SLC38A5: variants seen among roughly 807,000 people sequenced by gnomAD.
The protein encoded by SLC38A5 is sodium-coupled neutral amino acid transporter 5.
A neutral mutation model predicts 34.6 loss-of-function variants in SLC38A5; 9 were observed. The ratio of observed to expected loss-of-function variants is 0.26; its 90% CI spans 0.16 to 0.45. SLC38A5 has a LOEUF of 0.45. SLC38A5 is among the 20% of genes least tolerant of loss of function. The pLI is 1.00. For synonymous variants in SLC38A5, 157 were observed against 155.6 expected (o/e 1.01, Z -0.07); for missense variants, 253 against 394.7 (o/e 0.64, Z 3.04).
Position 48,467,752 on chromosome X carries a change from A to G in SLC38A5, c.87T>C (p.Ser29=). ...GCTTGCTCCCAGGAGCAGGACCACG[A>G]CTGGGCAGGAAGCCCTCACGTTCTT... ...YRQEREGFLP[S]RGPAPGSKPV... The change falls in exon 4 of 17, where the codon AGT becomes AGC. Residue 29 remains serine (S), a synonymous_variant. Transcript: ENST00000620913. 1 of 1,208,547 alleles carries G rather than the reference A, an allele frequency of 8.3e-7. No individual in the cohort carries two copies. The highest frequency in any genetic ancestry group is 1.1e-6 in the Non-Finnish European group (1 of 894,108).
At chrX:48,463,851 G>GAA (rs2061453767) in intron 8 of SLC38A5, among the ~76,000 whole-genome samples, 1 of 66,154 alleles carries the variant, frequency 1.5e-5, no homozygotes, top group Admixed American at 1.9e-4. Flanking sequence ...GAAAGAAAGA[G>GAA]AGAGAAAGAA....
At chrX:48,466,767 G>C in intron 6 of SLC38A5, 32 bp downstream of exon 6, 1 of 1,169,498 alleles carries the variant, frequency 8.6e-7, no homozygotes, top group Non-Finnish European at 1.1e-6. Context: ...AAGGGGTGGA[G>C]TGGGGACTGG....
In SLC38A5 at chrX:48,459,421, A is replaced by G. The variant is rs1195901136; in HGVS notation, c.1317+115T>C. 4.5e-6 allele frequency: 3 copies of G among 672,908 alleles called. No homozygotes were observed. In the African/African-American group the frequency reaches 6.8e-5, roughly 15 times the overall value. The allele number at this position is 672,908 out of a possible 1,213,427, so 55.5% of individuals were successfully genotyped here. Reference sequence around the variant, plus strand: ...CTTCATTCTTCCAGACCATTCTTTCAGATGCTCTCCCAGCCCCCTCCTATG... The same window carrying G: ...CTTCATTCTTCCAGACCATTCTTTCGGATGCTCTCCCAGCCCCCTCCTATG... On this transcript the variant is annotated intron_variant, in intron 16 of 16. Transcript: ENST00000620913.
rs368812725 is a variant in SLC38A5 at position 48,460,676 on chromosome X, G to A, written c.1041C>T (p.Thr347=). Residue 347 remains threonine, a synonymous_variant, in exon 14 of 17, where the codon ACC becomes ACT. Transcript: ENST00000620913. ...GGAACAGCACGACTGGCACAGTGAG[G>A]GTCACCGCGAGCAGCACGGCCAGGC... ...CVRLAVLLAV[T]LTVPVVLFPI... The A allele has an allele frequency of 1.6e-4, 195 of 1,210,314 alleles. No individual in the cohort carries two copies. Among genetic ancestry groups the A allele is most frequent in the Non-Finnish European group, 2.1e-4 (189 of 895,322 alleles).
At chrX:48,465,180 T>G (rs1219889858) in intron 8 of SLC38A5, among the ~76,000 whole-genome samples, 1 of 111,474 alleles carries the variant, frequency 9.0e-6, no homozygotes, top group African/African-American at 3.3e-5. Flanking sequence ...ATCGTGCACA[T>G]GCCCCCCACA....
At chrX:48,465,839 C>A (rs1312248612) in intron 8 of SLC38A5, among the ~76,000 whole-genome samples, 176 bp downstream of exon 8, 2 of 111,472 alleles carry the variant, frequency 1.8e-5, no homozygotes, top group Non-Finnish European at 3.8e-5. Context: ...CGACTGGACT[C>A]CTGTGGTCAG....
intron 1 of SLC38A5, 177 bp from the exon 2 acceptor site, chrX:48,469,613 A>G (rs1229980723): frequency 9.0e-6 from 1 of 111,528 alleles, no homozygotes; most frequent in Non-Finnish European, 1.9e-5. Context: ...ACAGCTAGAG[A>G]GAGTGACAGG....
intron 12 of SLC38A5, 141 bp from the exon 13 acceptor site, chrX:48,461,227 C>T: frequency 2.0e-6 from 1 of 502,057 alleles, no homozygotes; most frequent in Non-Finnish European, 3.4e-6. Flanking sequence ...CCGTCTCTGC[C>T]TCCCCTGTGA....
chrX:48,467,894 C>G lies in SLC38A5; in HGVS notation c.31G>C (p.Ala11Pro). 8.3e-7 allele frequency: 1 copy of G among 1,207,614 alleles called. No individual in the cohort carries two copies. The highest frequency in any genetic ancestry group is 1.8e-5 in the South Asian group (1 of 56,158). The change falls in exon 3 of 17, where the codon GCC becomes CCC. Residue 11 changes from alanine to proline, a missense_variant. This residue lies in a region of SLC38A5 where 40 missense variants were observed against 36.4 expected (regional missense o/e 1.10). Transcript: ENST00000620913. MELQDPKMNGALPSDAVGYRQ... is the reference protein window; with the variant it reads MELQDPKMNGPLPSDAVGYRQ... ...CACCCCACAGCATCCGAAGGGAGGG[C>G]TCCATTCATCTTTGGATCCTGCAGT...
intron 16 of SLC38A5, chrX:48,459,282 C>T (rs2061419105): frequency 2.3e-6 from 1 of 434,074 alleles, no homozygotes; most frequent in African/African-American, 2.4e-5. Context: ...CCCAATAGTG[C>T]TCTTTCCATC....
At chrX:48,459,094 G>A in intron 16 of SLC38A5, 60 bp from the exon 17 acceptor site, 1 of 1,093,768 alleles carries the variant, frequency 9.1e-7, no homozygotes, top group East Asian at 3.3e-5. Flanking sequence ...TGCCTTCTGA[G>A]AATGTTCCTC....
intron 13 of SLC38A5, 32 bp downstream of exon 13, chrX:48,460,954 C>T (rs1556961721): frequency 2.7e-6 from 3 of 1,110,174 alleles, no homozygotes; most frequent in Admixed American, 4.8e-5. Context: ...GGCCTTCCCC[C>T]TCCCCCCAGC....
In SLC38A5 at chrX:48,461,103, G is replaced by T; in HGVS notation, c.852-17C>A. 8.4e-7 allele frequency: 1 copy of T among 1,183,876 alleles called. No homozygotes were observed. On this transcript the variant is annotated splice_polypyrimidine_tract_variant and intron_variant, in intron 12 of 16. Transcript: ENST00000620913. The stretch of plus-strand genomic sequence containing the variant: ...TTGGAGGGCCTGAGGTGTAGAGGTC[G>T]TGGAACTGTCATGCCCAGACCCTGA...
intron 2 of SLC38A5, chrX:48,468,985 C>T (rs2061498238): frequency 1.3e-6 from 1 of 751,153 alleles, no homozygotes; most frequent in Non-Finnish European, 1.6e-6. Context: ...CTCCCTCCCG[C>T]GCTTACTCCT....
At chrX:48,462,359 C>A (rs1000302848) in intron 9 of SLC38A5, 68 bp from the exon 10 acceptor site, 1 of 1,100,052 alleles carries the variant, frequency 9.1e-7, no homozygotes, top group Non-Finnish European at 1.2e-6. Context: ...ATAATCCTAG[C>A]GCTTTGGGAG....
intron 4 of SLC38A5, chrX:48,467,453 G>T: frequency 2.3e-6 from 1 of 432,749 alleles, no homozygotes; most frequent in South Asian, 3.5e-5. Flanking sequence ...CAGGCCGGGA[G>T]GGGAGCAGCC....
chrX:48,467,965 A>G (rs1271403055), intron 2 of SLC38A5, 40 bp from the exon 3 acceptor site: 1 of 1,165,930 alleles, frequency 8.6e-7, no homozygotes, highest in African/African-American at 1.8e-5. Flanking sequence ...CAGAGATGGA[A>G]CGAGCATGCT....
chrX:48,458,657 G>GGCC lies in SLC38A5; in HGVS notation c.*273_*275dup, dbSNP rs1360066529. 3 of 807,301 alleles carry GGCC rather than the reference G, an allele frequency of 3.7e-6. No individual in the cohort carries two copies. Among genetic ancestry groups the GGCC allele is most frequent in the African/African-American group, 2.9e-5 (1 of 34,485 alleles). 66.5% of individuals were successfully genotyped at this position (807,301 alleles called of 1,213,427 possible). On this transcript the variant is annotated 3_prime_UTR_variant, in exon 17 of 17. Coordinates refer to ENST00000620913, the MANE Select transcript of SLC38A5 (RefSeq NM_033518.4). ...CTGGGCAAAGGCTCCACCAGGACCT[G>GGCC]GCCTCCTCCTCCTCCTCCTCCTCCT...
intron 2 of SLC38A5, chrX:48,469,068 T>C: frequency 1.3e-6 from 1 of 749,408 alleles, no homozygotes; most frequent in Non-Finnish European, 1.6e-6. Flanking sequence ...GAAATCCTTT[T>C]CCCAAGTCCT....
Sources: allele counts gnomAD v4.1 joint callset (sites outside exome capture counted in the v4.1 genomes callset), GRCh38; gene constraint gnomAD v4.1.1; regional missense constraint gnomAD v4.1.1; transcripts MANE v1.5; gene names NCBI Gene and HGNC (gene_info 2026-07-23, HGNC 2026-07-21).